Variants in GLIS3 observed in about 807,000 individuals in gnomAD.
GLIS3 encodes the protein zinc finger protein GLIS3.
A neutral mutation model predicts 78.6 loss-of-function variants in GLIS3; 53 were observed. The observed-to-expected ratio is 0.67, with a 90% CI of 0.54 to 0.85. GLIS3 has a LOEUF of 0.85. Ranked by LOEUF, GLIS3 falls within the 40% of genes least tolerant of loss-of-function variation. The pLI, the probability that GLIS3 is intolerant of heterozygous loss-of-function variation, is 0.00. For synonymous variants in GLIS3, 684 were observed against 509.9 expected (o/e 1.34, Z -4.60); for missense variants, 1,703 against 1,231.1 (o/e 1.38, Z -5.74).
At chr9:4,448,107 A>G in the GLIS3 span, among the ~76,000 whole-genome samples, 1 of 152,116 alleles carries the variant, frequency 6.6e-6, no homozygotes, top group African/African-American at 2.4e-5. Flanking sequence ...ACCGGTTACT[A>G]AAGTCAGCTC....
chr9:4,059,945 C>G (rs542287751), intron 4 of GLIS3, among the ~76,000 whole-genome samples: 1 of 151,924 alleles, frequency 6.6e-6, no homozygotes, highest in South Asian at 2.1e-4. Flanking sequence ...ATTTTTAAGG[C>G]AGGTGTGAAG....
At chr9:3,869,124 C>T (rs1156670104) in intron 8 of GLIS3, among the ~76,000 whole-genome samples, 2 of 152,124 alleles carry the variant, frequency 1.3e-5, no homozygotes, top group Non-Finnish European at 2.9e-5. Flanking sequence ...ATATAAACAC[C>T]AGCGAAAGAC....
chr9:4,465,343 T>C, the GLIS3 span, among the ~76,000 whole-genome samples: 2 of 152,078 alleles, frequency 1.3e-5, no homozygotes, highest in Non-Finnish European at 2.9e-5. Flanking sequence ...AGGTCGGGAG[T>C]TCGAGACCAG....
intron 8 of GLIS3, among the ~76,000 whole-genome samples, chr9:3,858,359 G>A (rs1161010413): frequency 6.6e-6 from 1 of 151,988 alleles, no homozygotes; most frequent in Non-Finnish European, 1.5e-5. Context: ...CTCATCCATG[G>A]AAGTTCCAAA....
intron 2 of GLIS3, among the ~76,000 whole-genome samples, chr9:4,284,110 A>G (rs946365482): frequency 6.6e-5 from 10 of 152,214 alleles, no homozygotes; most frequent in African/African-American, 2.4e-4. Context: ...CATCAAAGTT[A>G]GTATTCCCAA....
At chr9:4,249,227 C>A (rs1028205181) in intron 2 of GLIS3, among the ~76,000 whole-genome samples, 1 of 152,180 alleles carries the variant, frequency 6.6e-6, no homozygotes, top group Admixed American at 6.5e-5. Context: ...TGGCCATCTT[C>A]AAGATATTGA....
intron 4 of GLIS3, among the ~76,000 whole-genome samples, chr9:3,957,761 G>C (rs919578635): frequency 7.9e-5 from 12 of 152,126 alleles, no homozygotes; most frequent in Non-Finnish European, 1.2e-4. Flanking sequence ...AAAGGAAAGG[G>C]CTCTTTCATG....
chr9:4,161,779 A>C (rs1273966603), intron 2 of GLIS3, among the ~76,000 whole-genome samples: 1 of 144,460 alleles, frequency 6.9e-6, no homozygotes, highest in African/African-American at 2.6e-5. Flanking sequence ...CCCAGGTTCC[A>C]AGCAATCCTC....
At chr9:4,242,477 C>T (rs1423138177) in intron 2 of GLIS3, among the ~76,000 whole-genome samples, 1 of 152,160 alleles carries the variant, frequency 6.6e-6, no homozygotes, top group Non-Finnish European at 1.5e-5. Flanking sequence ...TCCAAAGCCC[C>T]ACGTTCCACC....
chr9:4,303,577 T>C (rs374836451), upstream of GLIS3, among the ~76,000 whole-genome samples: 14 of 152,326 alleles, frequency 9.2e-5, no homozygotes, highest in Admixed American at 5.2e-4. Context: ...TTTACACATA[T>C]CGCATTCACA....
At chr9:4,292,421 A>G (rs1271151139) in intron 1 of GLIS3, among the ~76,000 whole-genome samples, 2 of 152,202 alleles carry the variant, frequency 1.3e-5, no homozygotes, top group African/African-American at 4.8e-5. Context: ...CCAAAACAGT[A>G]TAAAAGTCAC....
intron 2 of GLIS3, among the ~76,000 whole-genome samples, chr9:4,338,389 T>TACACACACACACATACAC (rs1817786154): frequency 6.8e-6 from 1 of 147,354 alleles, no homozygotes; most frequent in African/African-American, 2.6e-5. Context: ...CACACACACA[T>TACACACACACACATACAC]ACACACACAC....
intron 2 of GLIS3, among the ~76,000 whole-genome samples, chr9:4,205,682 C>T (rs1178397247): frequency 2.0e-5 from 3 of 152,134 alleles, no homozygotes; most frequent in Non-Finnish European, 2.9e-5. Context: ...TCAAACCTCA[C>T]CTAAGGCCAG....
intron 8 of GLIS3, among the ~76,000 whole-genome samples, chr9:3,859,902 TTG>T (rs1347090340): frequency 6.6e-6 from 1 of 152,066 alleles, no homozygotes; most frequent in Non-Finnish European, 1.5e-5. Context: ...GTAGAGGAGT[TTG>T]TATAACCCTA....
chr9:4,414,947 A>G, the GLIS3 span, among the ~76,000 whole-genome samples: 1 of 151,838 alleles, frequency 6.6e-6, no homozygotes, highest in African/African-American at 2.4e-5. Flanking sequence ...CCTGCTCCTT[A>G]GCTTAAATCC....
chr9:3,936,920 C>G, intron 5 of GLIS3, 108 bp downstream of exon 5: 2 of 1,476,488 alleles, frequency 1.4e-6, no homozygotes. Flanking sequence ...GGCATTGTCC[C>G]TGTAACCTGC....
intron 6 of GLIS3, among the ~76,000 whole-genome samples, chr9:3,905,717 A>T (rs1253467084): frequency 6.6e-6 from 1 of 152,102 alleles, no homozygotes; most frequent in Non-Finnish European, 1.5e-5. Flanking sequence ...ATCCTGAATG[A>T]GATGATCTTG....
chr9:4,119,737 C>T (rs1343314306), intron 3 of GLIS3, among the ~76,000 whole-genome samples: 1 of 152,228 alleles, frequency 6.6e-6, no homozygotes, highest in East Asian at 1.9e-4. Flanking sequence ...TCCTATTCTT[C>T]TTACCCTTTA....
intron 2 of GLIS3, among the ~76,000 whole-genome samples, chr9:4,341,843 T>G (rs909074235): frequency 1.3e-5 from 2 of 152,244 alleles, no homozygotes; most frequent in Non-Finnish European, 2.9e-5. Flanking sequence ...CGTTACTGAT[T>G]AAATCTCATA....
Sources: allele counts gnomAD v4.1 joint callset (sites outside exome capture counted in the v4.1 genomes callset), GRCh38; gene constraint gnomAD v4.1.1; transcripts MANE v1.5; gene names NCBI Gene and HGNC (gene_info 2026-07-23, HGNC 2026-07-21).